The following IQSEC2 variants were observed in gnomAD, a reference collection of about 807,000 sequenced individuals.
IQSEC2 encodes IQ motif and SEC7 domain-containing protein 2.
In IQSEC2, 6 loss-of-function variants were observed where a neutral mutation model predicts 74.6. The observed-to-expected ratio is 0.08, with a 90% CI of 0.04 to 0.16. The LOEUF is 0.16. Among genes scored for constraint, IQSEC2 ranks in the 10% least tolerant of loss-of-function variants. The pLI, the probability that IQSEC2 is intolerant of heterozygous loss-of-function variation, is 1.00. For synonymous variants in IQSEC2, 494 were observed against 544.5 expected (o/e 0.91, Z 1.29); for missense variants, 734 against 1,306.2 (o/e 0.56, Z 6.75).
intron 2 of IQSEC2, among the ~76,000 whole-genome samples, chrX:53,289,173 A>ACACGCATG (rs6151305): frequency 1.1e-4 from 12 of 108,414 alleles, no homozygotes; most frequent in Non-Finnish European, 2.3e-4. Context: ...CCCCCTCCAC[A>ACACGCATG]CACACATGAA....
chrX:53,294,431 T>C (rs923897001), intron 1 of IQSEC2, among the ~76,000 whole-genome samples: 6 of 112,348 alleles, frequency 5.3e-5, no homozygotes, highest in African/African-American at 1.9e-4. Context: ...CTACACCTCC[T>C]CAGAGGCTCA....
intron 2 of IQSEC2, among the ~76,000 whole-genome samples, chrX:53,284,076 T>C (rs1177961238): frequency 9.0e-6 from 1 of 110,967 alleles, no homozygotes; most frequent in African/African-American, 3.3e-5. Flanking sequence ...CTGTCGGGGT[T>C]TCCGTATCTA....
At chrX:53,229,830 C>T (rs1316230867), downstream of IQSEC2, 2 of 112,552 alleles carry the variant, frequency 1.8e-5, no homozygotes, top group Non-Finnish European at 1.9e-5. Context: ...CATTTCCATT[C>T]ATGTCTCCAC....
At chrX:53,269,888 C>T (rs1399836516) in intron 2 of IQSEC2, among the ~76,000 whole-genome samples, 3 of 110,969 alleles carry the variant, frequency 2.7e-5, no homozygotes, top group African/African-American at 9.8e-5. Context: ...GAGCCCACCC[C>T]CACTGCTTTT....
chrX:53,259,703 G>A (rs782805689), intron 2 of IQSEC2, among the ~76,000 whole-genome samples: 21 of 111,437 alleles, frequency 1.9e-4, no homozygotes, highest in Non-Finnish European at 3.6e-4. Context: ...GGGAGGCTGA[G>A]GCAGGAAAAT....
chrX:53,265,046 G>A (rs1368962696), intron 2 of IQSEC2, among the ~76,000 whole-genome samples: 2 of 111,367 alleles, frequency 1.8e-5, no homozygotes, highest in Non-Finnish European at 3.8e-5. Flanking sequence ...GATTACAGGT[G>A]TGAGCCACCA....
Position 53,256,840 on chromosome X carries a change from G to A in IQSEC2, c.738-779C>T, listed in dbSNP as rs781800834. Among the ~76,000 whole-genome samples, 123 of 112,601 alleles carry A rather than the reference G, an allele frequency of 1.1e-3. 1 individual carries two copies. The highest frequency in any genetic ancestry group is 1.6e-3 in the Non-Finnish European group (83 of 53,192). ...TCCTCATGGCCTCCTCTGCTCAGCT[G>A]GGGGAAGGGGGCAGGGGAGTCTCCA... On this transcript the variant is annotated intron_variant, in intron 2 of 14. Transcript: ENST00000642864.
At position 53,234,826 on chromosome X, in the gene IQSEC2, T is replaced by G; in HGVS notation, c.3860A>C (p.Gln1287Pro). 1 of 753,766 alleles carries G rather than the reference T, an allele frequency of 1.3e-6. No individual in the cohort carries two copies. Among genetic ancestry groups the G allele is most frequent in the Non-Finnish European group, 1.7e-6 (1 of 585,482 alleles). The allele number at this position is 753,766 out of a possible 1,213,427, so 62.1% of individuals were successfully genotyped here. ...CTGGGGAGGTGGGGGAAGAGAGGGC[T>G]GCTGGGGTGGGAGGTAGGGTGGCGG... The part of the protein sequence containing the change: ...PAPPPYLPPQ[Q>P]PSLPPPPQQP... The change falls in exon 15 of 15, where the codon CAG becomes CCG. Residue 1287 changes from glutamine (Q) to proline (P), a missense_variant. Transcript: ENST00000642864.
intron 2 of IQSEC2, among the ~76,000 whole-genome samples, chrX:53,257,069 C>A (rs1193287226): frequency 8.9e-6 from 1 of 111,789 alleles, no homozygotes; most frequent in East Asian, 2.8e-4. Flanking sequence ...CGGGAAGGAA[C>A]ACGCAGGTGA....
intron 2 of IQSEC2, among the ~76,000 whole-genome samples, chrX:53,285,592 T>C (rs1173925192): frequency 8.9e-6 from 1 of 112,774 alleles, no homozygotes; most frequent in African/African-American, 3.2e-5. Context: ...CAATTATTAC[T>C]ATTTGGAACA....
intron 10 of IQSEC2, among the ~76,000 whole-genome samples, chrX:53,240,225 A>T (rs1556860591): frequency 8.9e-6 from 1 of 112,308 alleles, no homozygotes; most frequent in Admixed American, 9.4e-5. Flanking sequence ...TAAAGCAGCA[A>T]TGCTCAACTG....
At chrX:53,274,704 G>A (rs893638987) in intron 2 of IQSEC2, among the ~76,000 whole-genome samples, 2 of 109,958 alleles carry the variant, frequency 1.8e-5, no homozygotes, top group African/African-American at 6.6e-5. Context: ...CTCATGATCC[G>A]CCTGCCTCGG....
intron 1 of IQSEC2, among the ~76,000 whole-genome samples, chrX:53,312,682 G>A (rs1384266384): frequency 1.8e-5 from 2 of 112,427 alleles, no homozygotes; most frequent in Non-Finnish European, 3.8e-5. Context: ...AATGAGATGG[G>A]TTGTTTATGA....
chrX:53,242,622 A>G (rs1556861151), intron 9 of IQSEC2, among the ~76,000 whole-genome samples: 1 of 111,653 alleles, frequency 9.0e-6, no homozygotes, highest in Non-Finnish European at 1.9e-5. Flanking sequence ...CCCCAAGGAT[A>G]GAGAACACGT....
rs782794779 is a variant in IQSEC2 at position 53,236,878 on chromosome X, G to A, written c.3278-383C>T. Among the ~76,000 whole-genome samples the A allele has an allele frequency of 1.7e-4, 19 of 111,432 alleles. No individual in the cohort carries two copies. The East Asian group carries it at 5.4e-3, about 32-fold the overall frequency. On this transcript the variant is annotated intron_variant, in intron 12 of 14. Transcript: ENST00000642864. The stretch of plus-strand genomic sequence containing the variant: ...TCAAAAAAGAGCTTCATGGCAGATG[G>A]TTCACAGTAAGGATGGTAAGGCCCT...
intron 2 of IQSEC2, among the ~76,000 whole-genome samples, chrX:53,276,888 T>C (rs1484900736): frequency 8.9e-6 from 1 of 112,571 alleles, no homozygotes; most frequent in Non-Finnish European, 1.9e-5. Flanking sequence ...CATTTCCTAA[T>C]GTTGAACAAT....
At chrX:53,282,973 G>A (rs2074988946) in intron 2 of IQSEC2, among the ~76,000 whole-genome samples, 1 of 111,406 alleles carries the variant, frequency 9.0e-6, no homozygotes, top group Non-Finnish European at 1.9e-5. Flanking sequence ...GGGAGCAGTG[G>A]GGTGGGTGGG....
At chrX:53,248,358 G>A (rs1289190265) in intron 6 of IQSEC2, 122 bp from the exon 7 acceptor site, 2 of 884,960 alleles carry the variant, frequency 2.3e-6, no homozygotes, top group Non-Finnish European at 3.2e-6. Context: ...AGGACCTGTG[G>A]CCCGAGCAAG....
In IQSEC2 at chrX:53,236,334, G is replaced by T. The variant is rs2074129057; in HGVS notation, c.3439C>A (p.Leu1147Ile). 8.3e-7 allele frequency: 1 copy of T among 1,207,603 alleles called. No homozygotes were observed. The highest frequency in any genetic ancestry group is 1.1e-6 in the Non-Finnish European group (1 of 893,735). Residue 1147 changes from leucine (L) to isoleucine (I), a missense_variant, in exon 13 of 15, where the codon CTC (leucine) becomes ATC (isoleucine). Leu to Ile is a conservative substitution (Grantham distance 5, BLOSUM62 2). Transcript: ENST00000642864. ...CCAGAGGGCTTACCTGCATCAGAGA[G>T]GTCTCGCAGGGAACTGCTGAGTGCG... ...RGALSSSLRD[L>I]SDAGKRGRRN...
Sources: allele counts gnomAD v4.1 joint callset (sites outside exome capture counted in the v4.1 genomes callset), GRCh38; gene constraint gnomAD v4.1.1; transcripts MANE v1.5; gene names NCBI Gene and HGNC (gene_info 2026-07-23, HGNC 2026-07-21).